Variants in CEP152 observed in about 807,000 individuals in gnomAD.
CEP152 encodes centrosomal protein 152.
In CEP152, 132 loss-of-function variants were observed where a neutral mutation model predicts 188.9. The ratio of observed to expected loss-of-function variants is 0.70; its 90% CI spans 0.61 to 0.81. The LOEUF is 0.81. CEP152 is among the 30% of genes least tolerant of loss of function. The pLI is 0.00. For missense variants in CEP152, 1,914 were observed against 1,969.8 expected, an observed-to-expected ratio of 0.97 and a Z score of 0.54; for synonymous variants, 649 against 666.6, an observed-to-expected ratio of 0.97 and a Z score of 0.41.
At position 48,781,111 on chromosome 15, in the gene CEP152, G is replaced by A. The variant is rs779377710; in HGVS notation, c.1577+85C>T. 1,099 of 1,168,030 alleles carry A rather than the reference G, an allele frequency of 9.4e-4. 1 individual carries two copies. The highest frequency in any genetic ancestry group is 1.3e-3 in the Non-Finnish European group (1,022 of 782,056). The allele number at this position is 1,168,030 out of a possible 1,614,324, so 72.4% of individuals were successfully genotyped here. On this transcript the variant is annotated intron_variant, in intron 12 of 26. Coordinates refer to ENST00000380950, the MANE Select transcript of CEP152 (RefSeq NM_001194998.2). Reference sequence around the variant, plus strand: ...CAGTGTTAACATATGAAAATAATACGCTCTCACCTTAAAACAGATACCATG... The same window carrying A: ...CAGTGTTAACATATGAAAATAATACACTCTCACCTTAAAACAGATACCATG...
intron 17 of CEP152, among the ~76,000 whole-genome samples, chr15:48,763,570 A>G (rs531198830): frequency 6.6e-6 from 1 of 152,212 alleles, no homozygotes; most frequent in African/African-American, 2.4e-5. Context: ...GCTACTCAGG[A>G]GGCTGAGGCA....
Position 48,793,303 on chromosome 15 carries a change from C to T in CEP152, c.832+18G>A. 4 of 1,613,276 alleles carry T rather than the reference C, an allele frequency of 2.5e-6. No homozygotes were observed. In the East Asian group the frequency reaches 6.7e-5, roughly 27 times the overall value. On this transcript the variant is annotated intron_variant, in intron 7 of 26. Coordinates refer to ENST00000380950, the MANE Select transcript of CEP152 (RefSeq NM_001194998.2). Reference sequence around the variant, plus strand: ...CTAACTCAGTGTACCTCATAAATGACAGCATCCAGCATCTTACCTTTTATT... The same window carrying T: ...CTAACTCAGTGTACCTCATAAATGATAGCATCCAGCATCTTACCTTTTATT...
At chr15:48,776,710 CATT>C (rs1895933009) in intron 12 of CEP152, among the ~76,000 whole-genome samples, 1 of 151,894 alleles carries the variant, frequency 6.6e-6, no homozygotes, top group Non-Finnish European at 1.5e-5. Context: ...AGTAAAATGA[CATT>C]ATAAAGAAAT....
chr15:48,757,686 T>C (rs894701215), intron 19 of CEP152, among the ~76,000 whole-genome samples: 1 of 152,152 alleles, frequency 6.6e-6, no homozygotes, highest in African/African-American at 2.4e-5. Context: ...ATACTATATA[T>C]ATGGCTGGGA....
At chr15:48,775,160 C>CA (rs1444029307) in intron 12 of CEP152, among the ~76,000 whole-genome samples, 2 of 151,386 alleles carry the variant, frequency 1.3e-5, no homozygotes, top group Non-Finnish European at 2.9e-5. Context: ...AGTATAATAT[C>CA]AAAAAATCTA....
At chr15:48,785,997 C>A (rs1896608152) in intron 9 of CEP152, among the ~76,000 whole-genome samples, 1 of 151,368 alleles carries the variant, frequency 6.6e-6, no homozygotes, top group Non-Finnish European at 1.5e-5. Context: ...AGGGTTCTAG[C>A]ACACAGGAAA....
chr15:48,804,822 T>C (rs1401596352), intron 2 of CEP152, among the ~76,000 whole-genome samples: 1 of 152,256 alleles, frequency 6.6e-6, no homozygotes, highest in Non-Finnish European at 1.5e-5. Flanking sequence ...CACCTTATCA[T>C]GGCTTTCCAT....
intron 5 of CEP152, among the ~76,000 whole-genome samples, chr15:48,796,781 G>A (rs749651246): frequency 9.2e-5 from 14 of 152,070 alleles, no homozygotes; most frequent in Non-Finnish European, 1.0e-4. Flanking sequence ...TCCCCCCCAG[G>A]AAAAACAAGG....
chr15:48,789,199 G>A, intron 8 of CEP152, 198 bp from the exon 9 acceptor site: 1 of 605,100 alleles, frequency 1.7e-6, no homozygotes, highest in Non-Finnish European at 2.9e-6. Context: ...CATAGTTGTT[G>A]GAAACAATGT....
downstream of CEP152, among the ~76,000 whole-genome samples, chr15:48,736,059 C>T (rs1283013552): frequency 6.6e-6 from 1 of 152,060 alleles, no homozygotes; most frequent in East Asian, 1.9e-4. Flanking sequence ...CCAAATTCCT[C>T]AAAAACCAAA....
chr15:48,798,482 T>A (rs1019761322), intron 2 of CEP152, among the ~76,000 whole-genome samples: 3 of 152,112 alleles, frequency 2.0e-5, no homozygotes, highest in Non-Finnish European at 4.4e-5. Context: ...CCAGATGCAC[T>A]CTGGCCAGGT....
At chr15:48,763,835 T>C (rs530342249) in intron 17 of CEP152, among the ~76,000 whole-genome samples, 1 of 152,224 alleles carries the variant, frequency 6.6e-6, no homozygotes, top group African/African-American at 2.4e-5. Context: ...TAACAAATTA[T>C]GGGCTTCTGA....
At chr15:48,741,277 G>A in intron 26 of CEP152, 1 of 1,178,430 alleles carries the variant, frequency 8.5e-7, no homozygotes, top group South Asian at 1.7e-5. Context: ...TTACAGGTGT[G>A]AGCCATGATG....
chr15:48,746,691 G>C (rs923501610), intron 22 of CEP152, among the ~76,000 whole-genome samples: 1 of 152,140 alleles, frequency 6.6e-6, no homozygotes. Context: ...ATGGTGCCAG[G>C]TGTGCTAAGT....
chr15:48,751,472 G>T (rs1230617027), intron 21 of CEP152, among the ~76,000 whole-genome samples: 3 of 152,186 alleles, frequency 2.0e-5, no homozygotes, highest in Admixed American at 1.3e-4. Flanking sequence ...TGTGAACAAT[G>T]AGAAAGGCAG....
chr15:48,736,294 G>A (rs1314647825), downstream of CEP152, among the ~76,000 whole-genome samples: 1 of 152,002 alleles, frequency 6.6e-6, no homozygotes, highest in Non-Finnish European at 1.5e-5. Flanking sequence ...TCACCCTATG[G>A]GACTGGTATT....
chr15:48,785,189 A>C (rs920517740), intron 9 of CEP152, among the ~76,000 whole-genome samples: 1 of 152,244 alleles, frequency 6.6e-6, no homozygotes, highest in Admixed American at 6.5e-5. Flanking sequence ...CACAAGGTAC[A>C]TCCCATAAGA....
chr15:48,740,923 G>T, intron 26 of CEP152: 1 of 617,480 alleles, frequency 1.6e-6, no homozygotes, highest in Non-Finnish European at 2.0e-6. Flanking sequence ...TGTTGGTTTA[G>T]AACACCAACT....
chr15:48,777,544 G>A (rs1028777365), intron 12 of CEP152, among the ~76,000 whole-genome samples: 2 of 150,522 alleles, frequency 1.3e-5, no homozygotes, highest in African/African-American at 4.9e-5. Flanking sequence ...AAACTATTAG[G>A]TAGGCTTTTT....
Sources: gnomAD v4.1 joint callset for allele counts (sites outside exome capture counted in the v4.1 genomes callset) on GRCh38, gnomAD v4.1.1 for gene constraint, MANE v1.5 for transcripts, NCBI Gene and HGNC (gene_info 2026-07-23, HGNC 2026-07-21) for gene names.